ZC3H13: variants seen among roughly 807,000 people sequenced by gnomAD.
The protein encoded by ZC3H13 is zinc finger CCCH-type containing 13.
ZC3H13 carries 64 observed loss-of-function variants against 204.1 expected under a neutral mutation model. The observed-to-expected ratio is 0.31, with a 90% CI of 0.26 to 0.39. The LOEUF (loss-of-function observed/expected upper bound fraction) is 0.39, where lower values mean the gene tolerates loss of function less well. Ranked by LOEUF, ZC3H13 falls within the 10% of genes least tolerant of loss-of-function variation. ZC3H13 has a pLI of 1.00. For missense variants in ZC3H13, 1,833 were observed against 2,082.7 expected (o/e 0.88, Z 2.33); for synonymous variants, 667 against 693.7 (o/e 0.96, Z 0.60).
chr13:45,965,353 A>T lies in ZC3H13; in HGVS notation c.4401T>A (p.Asp1467Glu). Residue 1467 changes from aspartate to glutamate, a missense_variant, in exon 16 of 19, where the codon GAT (aspartate) becomes GAA (glutamate). Physicochemically the swap from Asp to Glu is conservative, Grantham distance 45 (BLOSUM62 2). Around this residue, in one of 5 missense-constraint regions of ZC3H13, gnomAD observed 6 missense variants for 23.6 expected, o/e 0.25. Transcript: ENST00000679008. ...CTGCCAGAATTTCATCTAGTTCGTCATCACTGATTGGCTCGTATCCTTCTC... is the reference window on the plus strand; with the variant it reads ...CTGCCAGAATTTCATCTAGTTCGTCTTCACTGATTGGCTCGTATCCTTCTC... ...GAGEGYEPIS[D>E]DELDEILAGD... is the part of the protein sequence containing the mutation. The T allele has an allele frequency of 6.2e-7, 1 of 1,613,758 alleles. No homozygotes were observed. The highest frequency in any genetic ancestry group is 8.5e-7 in the Non-Finnish European group (1 of 1,179,794).
chr13:46,036,844 G>A (rs938191328), intron 4 of ZC3H13, among the ~76,000 whole-genome samples: 33 of 151,974 alleles, frequency 2.2e-4, no homozygotes, highest in African/African-American at 6.0e-4. Context: ...TCAGCCTCCC[G>A]AGTAGCTGGG....
intron 4 of ZC3H13, among the ~76,000 whole-genome samples, chr13:46,039,047 A>G (rs2043392715): frequency 6.6e-6 from 1 of 152,100 alleles, no homozygotes; most frequent in Admixed American, 6.6e-5. Context: ...AATAATAATT[A>G]ATATCCTGGT....
At chr13:45,967,401 C>A in intron 15 of ZC3H13, 103 bp downstream of exon 15, 1 of 1,308,626 alleles carries the variant, frequency 7.6e-7, no homozygotes, top group Non-Finnish European at 1.0e-6. Context: ...AGAATGGAGT[C>A]AATTTGCCCA....
intron 8 of ZC3H13, among the ~76,000 whole-genome samples, chr13:45,998,170 G>A (rs567844579): frequency 1.3e-5 from 2 of 152,172 alleles, no homozygotes; most frequent in South Asian, 4.1e-4. Context: ...TGAAGACAGT[G>A]ACAAAGATAC....
chr13:45,969,461 T>C lies in ZC3H13; in HGVS notation c.3083A>G (p.Lys1028Arg). Residue 1028 changes from lysine (K) to arginine (R), a missense_variant, in exon 14 of 19, where the codon AAA (lysine) becomes AGA (arginine). This residue lies in a region of ZC3H13 where 1,574 missense variants were observed against 1,757.2 expected (regional missense o/e 0.90). Coordinates refer to ENST00000679008, the MANE Select transcript of ZC3H13 (RefSeq NM_001330564.2). Reference protein sequence around the residue: ...DEEAAQQSKKKRGPRTPPITT... With the variant: ...DEEAAQQSKKRRGPRTPPITT... Reference sequence around the variant, plus strand: ...TATAGGGGGAGTCCGTGGGCCTCTTTTCTTCTTACTTTGCTGGGCTGCTTC... The same window carrying C: ...TATAGGGGGAGTCCGTGGGCCTCTTCTCTTCTTACTTTGCTGGGCTGCTTC... 6.2e-7 allele frequency: 1 copy of C among 1,613,374 alleles called. No individual in the cohort carries two copies. The highest frequency in any genetic ancestry group is 8.5e-7 in the Non-Finnish European group (1 of 1,179,854).
chr13:45,998,608 C>T (rs1256306473), intron 8 of ZC3H13, among the ~76,000 whole-genome samples: 1 of 151,296 alleles, frequency 6.6e-6, no homozygotes, highest in South Asian at 2.1e-4. Flanking sequence ...AAGATTGTGC[C>T]ACTGCACTCC....
Position 46,036,339 on chromosome 13 carries a change from A to T in ZC3H13, c.339+5825T>A, listed in dbSNP as rs375588262. On this transcript the variant is annotated intron_variant, in intron 4 of 18. Transcript: ENST00000679008. ...ACACCTGGAATAGGTTTAAAGTTGG[A>T]TAATCAACTTGAGATCCACCTATAG... is the stretch of plus-strand genomic sequence containing the variant. 5.9e-5 allele frequency among the ~76,000 whole-genome samples: 9 copies of T among 152,340 alleles called. No individual in the cohort carries two copies. The South Asian group carries it at 8.3e-4, about 14-fold the overall frequency.
chr13:45,984,286 A>G (rs1303908107), intron 10 of ZC3H13, among the ~76,000 whole-genome samples: 1 of 152,178 alleles, frequency 6.6e-6, no homozygotes, highest in Non-Finnish European at 1.5e-5. Context: ...AATACATACA[A>G]AGCTGGCAAA....
Position 45,956,291 on chromosome 13 carries a change from G to A in ZC3H13, c.*836C>T, listed in dbSNP as rs1951271442. The A allele has an allele frequency of 6.6e-6, 1 of 152,004 alleles. No individual in the cohort carries two copies. 9.4% of individuals were successfully genotyped at this position (152,004 alleles called of 1,614,324 possible). On this transcript the variant is annotated 3_prime_UTR_variant, in exon 19 of 19. Coordinates refer to ENST00000679008, the MANE Select transcript of ZC3H13 (RefSeq NM_001330564.2). ...CCAAGAAGATGCCTTAAGTATCAAT[G>A]AGCTATATTTGAAGTACATCAACTC...
At position 45,957,230 on chromosome 13, in the gene ZC3H13, C is replaced by T. The variant is rs555530942; in HGVS notation, c.4907G>A (p.Arg1636Gln). Residue 1636 changes from arginine (R) to glutamine (Q), a missense_variant, in exon 19 of 19, where the codon CGG becomes CAG. Arg to Gln is a conservative substitution (Grantham distance 43). Coordinates refer to ENST00000679008, the MANE Select transcript of ZC3H13 (RefSeq NM_001330564.2). ...VDNELLRLSL[R>Q]LFKRKTTCHA... Reference sequence around the variant, plus strand: ...GCAAGTAGTCTTCCGCTTAAATAACCGAAGACTCAATCGAAGTAATTCATT... The same window carrying T: ...GCAAGTAGTCTTCCGCTTAAATAACTGAAGACTCAATCGAAGTAATTCATT... 250 of 1,548,142 alleles carry T rather than the reference C, an allele frequency of 1.6e-4. No homozygotes were observed. The highest frequency in any genetic ancestry group is 2.1e-4 in the Non-Finnish European group (238 of 1,145,738).
Position 45,965,422 on chromosome 13 carries a change from G to T in ZC3H13, c.4332C>A (p.Asp1444Glu), listed in dbSNP as rs767623893. ...AATGTGCATCATCTAACTTGGACTC[G>T]TCATCTCCTGCTAAATAGACAAATT... Reference protein sequence around the residue: ...ERTESLEAGDDESKLDDAHSL... With the variant: ...ERTESLEAGDEESKLDDAHSL... The change falls in exon 16 of 19, where the codon GAC (aspartate) becomes GAA (glutamate). Residue 1444 changes from aspartate to glutamate, a missense_variant. Asp to Glu is a conservative substitution (Grantham distance 45). This residue lies in a region of ZC3H13 where 1,574 missense variants were observed against 1,757.2 expected (regional missense o/e 0.90). Coordinates refer to ENST00000679008, the MANE Select transcript of ZC3H13 (RefSeq NM_001330564.2). 1 of 1,612,104 alleles carries T rather than the reference G, an allele frequency of 6.2e-7. No individual in the cohort carries two copies. The highest frequency in any genetic ancestry group is 2.2e-5 in the East Asian group (1 of 44,750).
intron 7 of ZC3H13, among the ~76,000 whole-genome samples, chr13:46,003,693 TCTA>T (rs899437440): frequency 3.3e-5 from 5 of 152,128 alleles, no homozygotes; most frequent in Admixed American, 6.5e-5. Flanking sequence ...CACCTATAAT[TCTA>T]CTACTCAAAG....
intron 11 of ZC3H13, 73 bp downstream of exon 11, chr13:45,979,740 T>C: frequency 7.0e-7 from 1 of 1,419,428 alleles, no homozygotes; most frequent in Admixed American, 2.4e-5. Flanking sequence ...AAAAAGTAAA[T>C]TGGTAACTGT....
Position 45,988,814 on chromosome 13 carries a change from G to A in ZC3H13, c.1228C>T (p.His410Tyr), listed in dbSNP as rs749979408. ...RHDHERTSQS[H>Y]DRRHERREDT... ...TCCCTCCTTTCATGGCGTCGATCAT[G>A]AGACTGTGAAGTTCGTTCATGATCA... The change falls in exon 9 of 19, where the codon CAT becomes TAT. Residue 410 changes from histidine (H) to tyrosine (Y), a missense_variant. Around this residue, in one of 5 missense-constraint regions of ZC3H13, gnomAD observed 1,574 missense variants for 1,757.2 expected, o/e 0.90. Coordinates refer to ENST00000679008, the MANE Select transcript of ZC3H13 (RefSeq NM_001330564.2). 1 of 1,613,296 alleles carries A rather than the reference G, an allele frequency of 6.2e-7. No homozygotes were observed. Among genetic ancestry groups the A allele is most frequent in the Non-Finnish European group, 8.5e-7 (1 of 1,179,400 alleles).
At chr13:45,998,368 G>A (rs529541382) in intron 8 of ZC3H13, among the ~76,000 whole-genome samples, 7 of 152,136 alleles carry the variant, frequency 4.6e-5, no homozygotes, top group South Asian at 4.1e-4. Context: ...AGTACAGGCC[G>A]GGCGCGGTGG....
intron 8 of ZC3H13, among the ~76,000 whole-genome samples, chr13:45,999,626 A>G (rs1271801908): frequency 6.6e-6 from 1 of 152,182 alleles, no homozygotes; most frequent in Non-Finnish European, 1.5e-5. Flanking sequence ...GAACTTCTCT[A>G]AGTCATCCAT....
intron 15 of ZC3H13, among the ~76,000 whole-genome samples, chr13:45,967,170 A>G (rs1952159218): frequency 6.6e-6 from 1 of 152,198 alleles, no homozygotes; most frequent in African/African-American, 2.4e-5. Context: ...AGTCATTTCA[A>G]TTTTTGTAAT....
chr13:45,975,631 A>T lies in ZC3H13; in HGVS notation c.2120T>A (p.Leu707Gln). The change falls in exon 12 of 19, where the codon CTA becomes CAA. Residue 707 changes from leucine (L) to glutamine (Q), a missense_variant. By Grantham distance (113) the Leu-to-Gln change is moderately radical (BLOSUM62 -2). Coordinates refer to ENST00000679008, the MANE Select transcript of ZC3H13 (RefSeq NM_001330564.2). ...RDREREKERE[L>Q]ERERARERER... ...CCGTTCCCTAGCACGCTCTCTTTCT[A>T]GTTCTCTCTCTTTTTCTCTTTCCCG... 1 of 1,571,822 alleles carries T rather than the reference A, an allele frequency of 6.4e-7. No individual in the cohort carries two copies. The highest frequency in any genetic ancestry group is 8.6e-7 in the Non-Finnish European group (1 of 1,160,616).
chr13:45,980,154 G>C (rs1953434518), intron 10 of ZC3H13, 150 bp from the exon 11 acceptor site: 1 of 674,168 alleles, frequency 1.5e-6, no homozygotes, highest in African/African-American at 1.9e-5. Context: ...ATCAAGCAAT[G>C]AATCAGAACA....
Sources: gnomAD v4.1 joint callset for allele counts (sites outside exome capture counted in the v4.1 genomes callset) on GRCh38, gnomAD v4.1.1 for gene constraint, gnomAD v4.1.1 regional missense constraint, MANE v1.5 for transcripts, NCBI Gene and HGNC (gene_info 2026-07-23, HGNC 2026-07-21) for gene names.